Variants in PRKCZ observed in about 807,000 individuals in gnomAD.
PRKCZ encodes protein kinase C zeta, also known as protein kinase C zeta type.
A neutral mutation model predicts 79.5 loss-of-function variants in PRKCZ; 33 were observed. The ratio of observed to expected loss-of-function variants is 0.41; its 90% CI spans 0.31 to 0.55. PRKCZ has a LOEUF of 0.55. Among genes scored for constraint, PRKCZ ranks in the 20% least tolerant of loss-of-function variants. PRKCZ has a pLI of 0.19. For synonymous variants in PRKCZ, 342 were observed against 320.9 expected (o/e 1.07, Z -0.70); for missense variants, 578 against 813.5 (o/e 0.71, Z 3.52).
intron 4 of PRKCZ, 61 bp downstream of exon 4, chr1:2,059,652 T>C: frequency 6.2e-7 from 1 of 1,602,754 alleles, no homozygotes; most frequent in Non-Finnish European, 8.5e-7. Flanking sequence ...GTTGATCCGT[T>C]GTGCCACGGA....
chr1:2,144,597 A>G, intron 6 of PRKCZ: 1 of 1,344,270 alleles, frequency 7.4e-7, no homozygotes, highest in Non-Finnish European at 9.6e-7. Flanking sequence ...AGGACGTGGT[A>G]CGCTCTGCTC....
intron 4 of PRKCZ, among the ~76,000 whole-genome samples, chr1:2,131,179 T>C (rs1407885423): frequency 1.3e-5 from 2 of 152,214 alleles, no homozygotes; most frequent in Non-Finnish European, 2.9e-5. Flanking sequence ...CGCCTGGAGC[T>C]GACTGCCGGG....
chr1:2,152,464 G>A (rs930998612), intron 9 of PRKCZ, among the ~76,000 whole-genome samples: 132 of 152,204 alleles, frequency 8.7e-4, no homozygotes, highest in African/African-American at 3.0e-3. Context: ...CCAGGGAGGC[G>A]GAGATTGCAG....
intron 5 of PRKCZ, among the ~76,000 whole-genome samples, chr1:2,139,981 G>A (rs1371902593): frequency 3.3e-5 from 5 of 152,210 alleles, no homozygotes; most frequent in African/African-American, 1.2e-4. Context: ...CAGCTGGGTG[G>A]ATGGCCCAAG....
chr1:2,095,731 ACCTTTCCGCTCCCCTCCTCTCCCCT>A (rs1465482616), intron 4 of PRKCZ, among the ~76,000 whole-genome samples: 1 of 111,080 alleles, frequency 9.0e-6, no homozygotes, highest in Non-Finnish European at 2.1e-5. Context: ...TTCCCTCCCC[ACCTTTCCGCTCCCCTCCTCTCCCCT>A]CCTTTCCGCT....
At chr1:2,055,278 G>C (rs1660055240) in intron 1 of PRKCZ, among the ~76,000 whole-genome samples, 163 bp from the exon 2 acceptor site, 1 of 131,244 alleles carries the variant, frequency 7.6e-6, no homozygotes, top group East Asian at 2.1e-4. Context: ...TATGGTTAAT[G>C]GTTCTATTTT....
chr1:2,169,055 G>A (rs1166679006), intron 10 of PRKCZ: 3 of 431,656 alleles, frequency 6.9e-6, no homozygotes, highest in South Asian at 1.6e-5. Context: ...TGGAGGGCCG[G>A]TGGACTCCTC....
Position 2,178,061 on chromosome 1 carries a change from A to C in PRKCZ, c.1575+2748A>C, listed in dbSNP as rs559813395. Among the ~76,000 whole-genome samples, 1 of 152,170 alleles carries C rather than the reference A, an allele frequency of 6.6e-6. No homozygotes were observed. Among genetic ancestry groups the C allele is most frequent in the Non-Finnish European group, 1.5e-5 (1 of 68,024 alleles). On this transcript the variant is annotated intron_variant, in intron 16 of 17. Coordinates refer to ENST00000378567, the MANE Select transcript of PRKCZ (RefSeq NM_002744.6). This position sits in a 1 kb window ranked among gnomAD's most constrained non-coding sequence, Gnocchi z 4.3. ...TTGGTGTGGGGTCACCACCACCCCC[A>C]TGTGACCTTGGCAGAAGGAAGGTCC...
intron 3 of PRKCZ, among the ~76,000 whole-genome samples, chr1:2,057,334 G>T (rs964816539): frequency 6.6e-6 from 1 of 152,212 alleles, no homozygotes; most frequent in Admixed American, 6.5e-5. Context: ...AGGGCGTCTG[G>T]GGCCTGGGAA....
At position 2,172,208 on chromosome 1, in the gene PRKCZ, C is replaced by T. The variant is rs749738427; in HGVS notation, c.1197+18C>T. On this transcript the variant is annotated intron_variant, in intron 12 of 17. Transcript: ENST00000378567. This position sits in a 1 kb window ranked among gnomAD's most constrained non-coding sequence, Gnocchi z 7.8. ...TGTGCAAGGTGCGTGCCTTGGACCG[C>T]CTCCCCTGACCATCCCGCATGTGCG... 5 of 1,613,244 alleles carry T rather than the reference C, an allele frequency of 3.1e-6. No individual in the cohort carries two copies. The highest frequency in any genetic ancestry group is 1.7e-5 in the Admixed American group (1 of 59,988).
Position 2,127,687 on chromosome 1 carries a change from C to T in PRKCZ, c.335-7575C>T, listed in dbSNP as rs992090511. 2.0e-5 allele frequency among the ~76,000 whole-genome samples: 3 copies of T among 152,218 alleles called. No homozygotes were observed. Among genetic ancestry groups the T allele is most frequent in the African/African-American group, 7.2e-5 (3 of 41,450 alleles). On this transcript the variant is annotated intron_variant, in intron 4 of 17. Coordinates refer to ENST00000378567, the MANE Select transcript of PRKCZ (RefSeq NM_002744.6). This position sits in a 1 kb window ranked among gnomAD's most constrained non-coding sequence, Gnocchi z 5.1. ...CCACACCAGGCAAATAGGCGAACGG[C>T]GTCTCCCGCGGCTCCCGGTGGCTTT...
At chr1:2,057,046 T>C (rs1660234793) in intron 3 of PRKCZ, among the ~76,000 whole-genome samples, 1 of 152,134 alleles carries the variant, frequency 6.6e-6, no homozygotes, top group Non-Finnish European at 1.5e-5. Context: ...GACATTTTAT[T>C]AACCCAAATG....
Position 2,144,233 on chromosome 1 carries a change from C to T in PRKCZ, c.444C>T (p.Ser148=), listed in dbSNP as rs201398081. ...AGAGAGCGTACTGCGGTCAGTGCAGCGAGAGGATATGGGGCCTCGCGAGGC... is the reference window on the plus strand; with the variant it reads ...AGAGAGCGTACTGCGGTCAGTGCAGTGAGAGGATATGGGGCCTCGCGAGGC... ...FNRRAYCGQC[S]ERIWGLARQG... Residue 148 remains serine, a synonymous_variant, in exon 6 of 18, where the codon AGC becomes AGT. Coordinates refer to ENST00000378567, the MANE Select transcript of PRKCZ (RefSeq NM_002744.6). 3.9e-6 allele frequency: 6 copies of T among 1,552,842 alleles called. No individual in the cohort carries two copies. Among genetic ancestry groups the T allele is most frequent in the South Asian group, 3.6e-5 (3 of 84,158 alleles).
intron 4 of PRKCZ, among the ~76,000 whole-genome samples, chr1:2,060,890 G>C (rs1178288212): frequency 6.6e-6 from 1 of 152,222 alleles, no homozygotes; most frequent in Non-Finnish European, 1.5e-5. Flanking sequence ...CAGCTGCCCT[G>C]GTGGTGACCT....
rs905545879 is a variant in PRKCZ at position 2,174,337 on chromosome 1, A to G, written c.1405+321A>G. ...GTACCGAGCTGAAAGCACAGCCCCC[A>G]CCCCCAAAACCCACAGCCACCATCA... On this transcript the variant is annotated intron_variant, in intron 14 of 17. Transcript: ENST00000378567. The surrounding 1 kb of genome is among the most constrained non-coding windows in gnomAD (Gnocchi z 6.2). 1.3e-5 allele frequency among the ~76,000 whole-genome samples: 2 copies of G among 151,454 alleles called. No homozygotes were observed. The highest frequency in any genetic ancestry group is 4.9e-5 in the African/African-American group (2 of 41,162).
chr1:2,057,644 T>A (rs912834311), intron 3 of PRKCZ, among the ~76,000 whole-genome samples: 4 of 152,058 alleles, frequency 2.6e-5, no homozygotes, highest in Non-Finnish European at 5.9e-5. Context: ...GGTGGGAGGA[T>A]CGCTTCAGCC....
At chr1:2,112,512 T>C (rs1175140748) in intron 4 of PRKCZ, among the ~76,000 whole-genome samples, 2 of 152,166 alleles carry the variant, frequency 1.3e-5, no homozygotes, top group Non-Finnish European at 2.9e-5. Flanking sequence ...GGTCCCGGCA[T>C]GGGGGACTGT....
chr1:2,086,562 C>CG (rs756568969), intron 4 of PRKCZ, among the ~76,000 whole-genome samples: 1 of 152,194 alleles, frequency 6.6e-6, no homozygotes, highest in African/African-American at 2.4e-5. Context: ...GGCATCCCCT[C>CG]GGCCCTTTCT....
chr1:2,154,540 A>C (rs1416021413), intron 9 of PRKCZ, among the ~76,000 whole-genome samples: 1 of 152,194 alleles, frequency 6.6e-6, no homozygotes, highest in East Asian at 1.9e-4. Context: ...CCCTGCCTCT[A>C]CAAAAAATAA....
Sources: allele counts gnomAD v4.1 joint callset (sites outside exome capture counted in the v4.1 genomes callset), GRCh38; gene constraint gnomAD v4.1.1; non-coding constraint Gnocchi (gnomAD v3.1); transcripts MANE v1.5; gene names NCBI Gene and HGNC (gene_info 2026-07-23, HGNC 2026-07-21).